SKIC2: variants seen among roughly 807,000 people sequenced by gnomAD.
SKIC2 encodes the protein SKI2 subunit of superkiller complex.
At chr6:31,966,769 C>G in the SKIC2 span, 1 of 1,614,138 alleles carries the variant, frequency 6.2e-7, no homozygotes, top group Non-Finnish European at 8.5e-7. The surrounding 1 kb of genome is among the most constrained non-coding windows in gnomAD (Gnocchi z 5.9). Flanking sequence ...CCTCAACTTG[C>G]TGCGAGTGGA....
chr6:31,960,695 C>G, the SKIC2 span: 3 of 1,586,514 alleles, frequency 1.9e-6, no homozygotes, highest in African/African-American at 2.7e-5. Flanking sequence ...CATAACAGAT[C>G]TGAACACACG....
the SKIC2 span, chr6:31,969,217 G>A: frequency 6.3e-7 from 1 of 1,595,746 alleles, no homozygotes; most frequent in Non-Finnish European, 8.6e-7. The surrounding 1 kb of genome is among the most constrained non-coding windows in gnomAD (Gnocchi z 6.1). Flanking sequence ...CTGCCTTCTT[G>A]ATCTGGTCCT....
the SKIC2 span, chr6:31,965,853 T>C: frequency 5.0e-6 from 8 of 1,612,904 alleles, no homozygotes; most frequent in East Asian, 4.5e-5. The surrounding 1 kb of genome is among the most constrained non-coding windows in gnomAD (Gnocchi z 5.6). Context: ...TTTGACTCCA[T>C]GCGCAAACAC....
chr6:31,963,961 C>T, the SKIC2 span: 1 of 1,612,332 alleles, frequency 6.2e-7, no homozygotes, highest in Non-Finnish European at 8.5e-7. The surrounding 1 kb of genome is among the most constrained non-coding windows in gnomAD (Gnocchi z 5.3). Context: ...CACACGTGCC[C>T]AGTTGCCCGT....
chr6:31,963,690 C>T, the SKIC2 span: 9 of 1,555,520 alleles, frequency 5.8e-6, no homozygotes, highest in Non-Finnish European at 6.1e-6. The surrounding 1 kb of genome is among the most constrained non-coding windows in gnomAD (Gnocchi z 5.3). Context: ...CACGCCCAGA[C>T]CTTTGGGGCC....
At chr6:31,968,477 G>A in the SKIC2 span, 49 of 1,612,976 alleles carry the variant, frequency 3.0e-5, no homozygotes, top group Non-Finnish European at 4.0e-5. This position sits in a 1 kb window ranked among gnomAD's most constrained non-coding sequence, Gnocchi z 6.1. Flanking sequence ...CTCCGGGCCC[G>A]GAAGCTGGAG....
the SKIC2 span, chr6:31,968,096 G>T: frequency 2.5e-6 from 4 of 1,612,380 alleles, no homozygotes; most frequent in African/African-American, 5.3e-5. This position sits in a 1 kb window ranked among gnomAD's most constrained non-coding sequence, Gnocchi z 6.1. Flanking sequence ...AGAGATGCTA[G>T]GGAGGCCCTT....
At chr6:31,962,044 C>G in the SKIC2 span, 2 of 1,613,046 alleles carry the variant, frequency 1.2e-6, no homozygotes, top group Non-Finnish European at 1.7e-6. This position sits in a 1 kb window ranked among gnomAD's most constrained non-coding sequence, Gnocchi z 5.0. Flanking sequence ...GGCCCAGAAA[C>G]ACATGACACG....
chr6:31,962,353 A>T, the SKIC2 span: 2 of 1,435,322 alleles, frequency 1.4e-6, no homozygotes, highest in Non-Finnish European at 2.0e-6. The surrounding 1 kb of genome is among the most constrained non-coding windows in gnomAD (Gnocchi z 5.0). Flanking sequence ...CTTCTGGGGC[A>T]TGCTTCCACG....
At chr6:31,960,195 C>A in the SKIC2 span, 1 of 1,610,156 alleles carries the variant, frequency 6.2e-7, no homozygotes, top group African/African-American at 1.3e-5. Flanking sequence ...AAAGAAGACC[C>A]AAAAGTTACT....
the SKIC2 span, chr6:31,962,547 G>A: frequency 5.6e-3 from 9,034 of 1,613,938 alleles, 37 homozygotes; most frequent in Non-Finnish European, 7.0e-3. This position sits in a 1 kb window ranked among gnomAD's most constrained non-coding sequence, Gnocchi z 5.0. Flanking sequence ...AGCTGCATCC[G>A]GAGGCCTCCT....
the SKIC2 span, chr6:31,959,869 G>A: frequency 3.1e-6 from 2 of 641,204 alleles, no homozygotes; most frequent in African/African-American, 1.8e-5. Context: ...TCAGTAGCAG[G>A]TAGTTTTTGG....
At chr6:31,960,841 TA>T in the SKIC2 span, 1 of 999,020 alleles carries the variant, frequency 1.0e-6, no homozygotes, top group Non-Finnish European at 1.5e-6. Context: ...TAGAAAAAGA[TA>T]TTCTGTCCAT....
chr6:31,959,980 C>A, the SKIC2 span: 1 of 1,473,196 alleles, frequency 6.8e-7, no homozygotes, highest in Non-Finnish European at 9.5e-7. Context: ...CTTTCCTTAC[C>A]TAATGCCTCT....
At chr6:31,969,429 C>T in the SKIC2 span, 2 of 1,614,030 alleles carry the variant, frequency 1.2e-6, no homozygotes, top group Non-Finnish European at 1.7e-6. This position sits in a 1 kb window ranked among gnomAD's most constrained non-coding sequence, Gnocchi z 6.1. Flanking sequence ...TGGTGAGTAC[C>T]TGAGGTTTGG....
the SKIC2 span, chr6:31,969,289 C>T: frequency 1.5e-4 from 242 of 1,614,138 alleles, no homozygotes; most frequent in South Asian, 2.4e-3. This position sits in a 1 kb window ranked among gnomAD's most constrained non-coding sequence, Gnocchi z 6.1. Flanking sequence ...GGGAATAGAA[C>T]GTGTCCGGGC....
chr6:31,961,622 G>A, the SKIC2 span: 16 of 1,612,836 alleles, frequency 9.9e-6, no homozygotes, highest in Admixed American at 1.7e-5. Context: ...CCCTGTGGAC[G>A]CCACCTCCCC....
chr6:31,961,029 C>T, the SKIC2 span: 1 of 1,591,348 alleles, frequency 6.3e-7, no homozygotes. Flanking sequence ...ATTTCATGTC[C>T]CTATCCTACA....
chr6:31,963,596 C>G, the SKIC2 span: 1 of 1,533,426 alleles, frequency 6.5e-7, no homozygotes, highest in Non-Finnish European at 8.8e-7. The surrounding 1 kb of genome is among the most constrained non-coding windows in gnomAD (Gnocchi z 5.3). Flanking sequence ...TAGGGCTGGG[C>G]CCCCAGCTGG....
Sources: allele counts gnomAD v4.1 joint callset, GRCh38; gene constraint gnomAD v4.1.1; non-coding constraint Gnocchi (gnomAD v3.1); transcripts MANE v1.5; gene names NCBI Gene and HGNC (gene_info 2026-07-23, HGNC 2026-07-21).